The following FGD4 variants were observed in gnomAD, a reference collection of about 807,000 sequenced individuals.
FGD4 encodes the protein FYVE, RhoGEF and PH domain containing 4.
A neutral mutation model predicts 102.0 loss-of-function variants in FGD4; 42 were observed. The observed-to-expected ratio is 0.41, with a 90% CI of 0.32 to 0.53. The LOEUF (loss-of-function observed/expected upper bound fraction) is 0.53, where lower values mean the gene tolerates loss of function less well. Ranked by LOEUF, FGD4 falls within the 20% of genes least tolerant of loss-of-function variation. The pLI is 0.21. For synonymous variants in FGD4, 380 were observed against 375.7 expected, an observed-to-expected ratio of 1.01 and a Z score of -0.13; for missense variants, 902 against 1,078.2, an observed-to-expected ratio of 0.84 and a Z score of 2.29.
In FGD4 at chr12:32,635,468, G is replaced by A. The variant is rs539352795; in HGVS notation, c.2313+1779G>A. On this transcript the variant is annotated intron_variant, in intron 15 of 16. Coordinates refer to ENST00000534526, the MANE Select transcript of FGD4 (RefSeq NM_001370298.3). The stretch of plus-strand genomic sequence containing the variant: ...ATATATAGTATGAAGTCCATACATA[G>A]GAGACAAGTATGTACATGGACACAT... 2.0e-5 allele frequency among the ~76,000 whole-genome samples: 3 copies of A among 152,286 alleles called. No homozygotes were observed. In the South Asian group the frequency reaches 6.2e-4, roughly 32 times the overall value.
At chr12:32,632,622 A>G (rs990061212) in intron 14 of FGD4, among the ~76,000 whole-genome samples, 2 of 152,192 alleles carry the variant, frequency 1.3e-5, no homozygotes, top group African/African-American at 4.8e-5. Context: ...AGCCAAGAGC[A>G]AAGGAAAGTC....
At chr12:32,587,368 T>C (rs1172908163) in intron 4 of FGD4, among the ~76,000 whole-genome samples, 1 of 140,304 alleles carries the variant, frequency 7.1e-6, no homozygotes, top group East Asian at 2.0e-4. Flanking sequence ...GCTTATTTTT[T>C]ATTCTGTATT....
Position 32,506,328 on chromosome 12 carries a change from C to T in FGD4, c.167-57809C>T, listed in dbSNP as rs1938730836. ...CCAAGCTTTTAAAAAACATTAACTG[C>T]CAAGCCAATTGGATGCATATGTTTC... On this transcript the variant is annotated intron_variant, in intron 1 of 16. Transcript: ENST00000534526. This position sits in a 1 kb window ranked among gnomAD's most constrained non-coding sequence, Gnocchi z 4.5. Among the ~76,000 whole-genome samples, 1 of 152,162 alleles carries T rather than the reference C, an allele frequency of 6.6e-6. No homozygotes were observed.
intron 2 of FGD4, among the ~76,000 whole-genome samples, chr12:32,567,022 C>T (rs1031967357): frequency 6.6e-6 from 1 of 152,196 alleles, no homozygotes; most frequent in Non-Finnish European, 1.5e-5. Context: ...AAATAACTCA[C>T]AATCTTCCTG....
rs1287487172 is a variant in FGD4, at chr12:32,442,123, G to A, written c.166+42164G>A. Among the ~76,000 whole-genome samples, 9 of 150,262 alleles carry A rather than the reference G, an allele frequency of 6.0e-5. No homozygotes were observed. In the South Asian group the frequency reaches 8.5e-4, roughly 14 times the overall value. ...GGCTGGAGTGCAGTGGTGCAATCTC[G>A]GCTCACTGCAACCTCCGCCTCCTGG... On this transcript the variant is annotated intron_variant, in intron 1 of 16. Transcript: ENST00000534526.
chr12:32,523,565 C>T (rs1940774072), intron 1 of FGD4, among the ~76,000 whole-genome samples: 1 of 152,190 alleles, frequency 6.6e-6, no homozygotes, highest in Non-Finnish European at 1.5e-5. Flanking sequence ...TGCTACACAA[C>T]GCATTTACTG....
rs1182807750 is a variant in FGD4, at chr12:32,506,640, A to G, written c.167-57497A>G. On this transcript the variant is annotated intron_variant, in intron 1 of 16. Transcript: ENST00000534526. The surrounding 1 kb of genome is among the most constrained non-coding windows in gnomAD (Gnocchi z 4.5). Reference sequence around the variant, plus strand: ...CCAACCCACAGGCACCTCCTTGCCCAGGACCACCCCACCCCCTAAGGAGAC... The same window carrying G: ...CCAACCCACAGGCACCTCCTTGCCCGGGACCACCCCACCCCCTAAGGAGAC... 2.6e-5 allele frequency among the ~76,000 whole-genome samples: 4 copies of G among 152,174 alleles called. No individual in the cohort carries two copies. The East Asian group carries it at 7.7e-4, about 29-fold the overall frequency.
At chr12:32,554,420 A>T (rs545942771) in intron 1 of FGD4, among the ~76,000 whole-genome samples, 1 of 152,324 alleles carries the variant, frequency 6.6e-6, no homozygotes, top group Admixed American at 6.5e-5. Flanking sequence ...AATAGAAACT[A>T]AGAATTTTGG....
intron 8 of FGD4, among the ~76,000 whole-genome samples, chr12:32,608,597 A>C (rs1268235879): frequency 6.6e-6 from 1 of 152,222 alleles, no homozygotes; most frequent in Non-Finnish European, 1.5e-5. Context: ...ATGTATTTCA[A>C]TTATGTTAGA....
intron 1 of FGD4, among the ~76,000 whole-genome samples, chr12:32,559,972 C>T (rs1470756917): frequency 6.6e-6 from 1 of 152,166 alleles, no homozygotes; most frequent in Non-Finnish European, 1.5e-5. Flanking sequence ...GTTTCTTCCT[C>T]TAGTTTGTAG....
intron 2 of FGD4, among the ~76,000 whole-genome samples, chr12:32,574,219 G>A (rs778498917): frequency 2.0e-5 from 3 of 151,982 alleles, no homozygotes; most frequent in East Asian, 1.9e-4. Flanking sequence ...GTTTAAGTGA[G>A]TAAACTCTAG....
chr12:32,631,504 T>C (rs1453514412), intron 14 of FGD4, among the ~76,000 whole-genome samples: 2 of 60,010 alleles, frequency 3.3e-5, no homozygotes, highest in African/African-American at 1.8e-4. Context: ...AGCAAACAGC[T>C]TTTTTTTTTT....
intron 11 of FGD4, 50 bp downstream of exon 11, chr12:32,619,920 T>C: frequency 6.2e-7 from 1 of 1,600,720 alleles, no homozygotes; most frequent in East Asian, 2.2e-5. Flanking sequence ...GGCAACAGAA[T>C]GAATCATTAA....
intron 1 of FGD4, among the ~76,000 whole-genome samples, chr12:32,451,212 T>C (rs1393524717): frequency 6.6e-6 from 1 of 152,272 alleles, no homozygotes; most frequent in Non-Finnish European, 1.5e-5. Flanking sequence ...CCTTAACTAC[T>C]ATAGTGATGA....
At chr12:32,444,103 C>T (rs1033562701) in intron 1 of FGD4, among the ~76,000 whole-genome samples, 1 of 149,390 alleles carries the variant, frequency 6.7e-6, no homozygotes, top group African/African-American at 2.5e-5. Flanking sequence ...TGGCTCACTG[C>T]AGTCTCGACC....
intron 1 of FGD4, among the ~76,000 whole-genome samples, chr12:32,481,918 A>G (rs1943777747): frequency 6.6e-6 from 1 of 152,178 alleles, no homozygotes. Flanking sequence ...ACCTTATTAT[A>G]TAGCACAATT....
rs1334171300 is a variant in FGD4 at position 32,643,316 on chromosome 12, T to A, written c.*2783T>A. 1 of 152,428 alleles carries A rather than the reference T, an allele frequency of 6.6e-6. No homozygotes were observed. 9.4% of individuals were successfully genotyped at this position (152,428 alleles called of 1,614,324 possible). A position where few individuals can be genotyped will look rare whatever the true frequency, so the allele number is the denominator to read the frequency against. ...AGCAATAAAACTCTTTAGGGTATGG[T>A]TTTATACTGAAAATTTAATATGAAG... On this transcript the variant is annotated 3_prime_UTR_variant, in exon 17 of 17. Coordinates refer to ENST00000534526, the MANE Select transcript of FGD4 (RefSeq NM_001370298.3).
chr12:32,428,597 T>C (rs1941931917), intron 1 of FGD4, among the ~76,000 whole-genome samples: 2 of 152,206 alleles, frequency 1.3e-5, no homozygotes, highest in South Asian at 4.1e-4. Flanking sequence ...TTTCCTGAAT[T>C]TGAATGTTGG....
At chr12:32,622,380 A>G (rs2136913512) in intron 11 of FGD4, among the ~76,000 whole-genome samples, 1 of 152,218 alleles carries the variant, frequency 6.6e-6, no homozygotes, top group South Asian at 2.1e-4. Context: ...TTTTCTCATC[A>G]AGATGGGGCT....
Sources: gnomAD v4.1 joint callset for allele counts (sites outside exome capture counted in the v4.1 genomes callset) on GRCh38, gnomAD v4.1.1 for gene constraint, Gnocchi (gnomAD v3.1) non-coding constraint, MANE v1.5 for transcripts, NCBI Gene and HGNC (gene_info 2026-07-23, HGNC 2026-07-21) for gene names.